The following NCAPD3 variants were observed in gnomAD, a reference collection of about 807,000 sequenced individuals.
NCAPD3 encodes the protein condensin-2 complex subunit D3.
In NCAPD3, 105 loss-of-function variants were observed where a neutral mutation model predicts 182.9. The observed-to-expected ratio is 0.57, with a 90% CI of 0.49 to 0.68. The LOEUF is 0.68. NCAPD3 is among the 30% of genes least tolerant of loss of function. The pLI, the probability that NCAPD3 is intolerant of heterozygous loss-of-function variation, is 0.00. For synonymous variants in NCAPD3, 815 were observed against 679.9 expected (o/e 1.20, Z -3.09); for missense variants, 1,944 against 1,837.0 (o/e 1.06, Z -1.07).
Position 134,220,694 on chromosome 11 carries a change from T to C in NCAPD3, c.97A>G (p.Thr33Ala). ...CTGGGATCCAAAGGCTCAGTCTCTG[T>C]GAAATCCAGTTCCCACACTGTGTCA... The part of the protein sequence containing the change: ...WVDTVWELDF[T>A]ETEPLDPSIE... The change falls in exon 2 of 35, where the codon ACA (threonine) becomes GCA (alanine). Residue 33 changes from threonine (T) to alanine (A), a missense_variant. This residue lies in a region of NCAPD3 where 131 missense variants were observed against 133.9 expected (regional missense o/e 0.98). Coordinates refer to ENST00000534548, the MANE Select transcript of NCAPD3 (RefSeq NM_015261.3). The C allele has an allele frequency of 6.2e-7, 1 of 1,614,104 alleles. No individual in the cohort carries two copies. The highest frequency in any genetic ancestry group is 8.5e-7 in the Non-Finnish European group (1 of 1,179,962).
At chr11:134,166,756 C>T (rs574358187) in intron 27 of NCAPD3, among the ~76,000 whole-genome samples, 5 of 126,540 alleles carry the variant, frequency 4.0e-5, no homozygotes, top group Non-Finnish European at 6.6e-5. Flanking sequence ...GGGAGGCGCA[C>T]ACTCGTGAGA....
chr11:134,180,033 G>A (rs1356429490), intron 20 of NCAPD3, among the ~76,000 whole-genome samples: 1 of 151,968 alleles, frequency 6.6e-6, no homozygotes, highest in East Asian at 1.9e-4. Flanking sequence ...AAAAAACCTG[G>A]GGGAGGAGGG....
In NCAPD3 at chr11:134,177,882, C is replaced by CCTTTCTTTCTTTCTTTCTTTCTTT. The variant is rs35739849; in HGVS notation, c.2783-449_2783-426dup. 894 of 153,360 alleles carry CCTTTCTTTCTTTCTTTCTTTCTTT rather than the reference C, an allele frequency of 5.8e-3. 2 individuals are homozygous for CCTTTCTTTCTTTCTTTCTTTCTTT. Among genetic ancestry groups the CCTTTCTTTCTTTCTTTCTTTCTTT allele is most frequent in the Non-Finnish European group, 7.1e-3 (492 of 69,680 alleles). The allele number at this position is 153,360 out of a possible 1,614,324, so 9.5% of individuals were successfully genotyped here. On this transcript the variant is annotated intron_variant, in intron 22 of 34. Coordinates refer to ENST00000534548, the MANE Select transcript of NCAPD3 (RefSeq NM_015261.3). The stretch of plus-strand genomic sequence containing the variant: ...GGTAAATAGGAAAGAATGCATGTCC[C>CCTTTCTTTCTTTCTTTCTTTCTTT]CTTTCTTTCTTTCTTTCTTTCTTTC...
chr11:134,160,697 C>A (rs1363596414), intron 28 of NCAPD3, among the ~76,000 whole-genome samples: 1 of 152,156 alleles, frequency 6.6e-6, no homozygotes, highest in East Asian at 1.9e-4. Context: ...AAGAATCATT[C>A]CACCTAACAG....
chr11:134,160,135 C>A lies in NCAPD3; in HGVS notation c.3685-61G>T. On this transcript the variant is annotated intron_variant, in intron 28 of 34. Coordinates refer to ENST00000534548, the MANE Select transcript of NCAPD3 (RefSeq NM_015261.3). ...TTGAATAAAAACGTAAAGCCCTAAA[C>A]CCCCACGACACACCTTCGCCTGTGT... is the stretch of plus-strand genomic sequence containing the variant. 5 of 1,552,750 alleles carry A rather than the reference C, an allele frequency of 3.2e-6. No individual in the cohort carries two copies. In the Admixed American group the frequency reaches 5.2e-5, roughly 16 times the overall value.
chr11:134,164,782 C>A (rs1401497441), intron 27 of NCAPD3, among the ~76,000 whole-genome samples: 4 of 150,984 alleles, frequency 2.6e-5, no homozygotes, highest in Middle Eastern at 3.5e-3. Context: ...GAGCTGCACA[C>A]TCGTGAAATG....
At position 134,159,889 on chromosome 11, in the gene NCAPD3, T is replaced by C. The variant is rs753047523; in HGVS notation, c.3867+3A>G. ...GTCACAGTGCAGTGGGCCCCACACC[T>C]ACCTGTGCCACAGGTGCCACCTCAG... On this transcript the variant is annotated splice_donor_region_variant and intron_variant, in intron 29 of 34. Transcript: ENST00000534548. 3 of 1,611,478 alleles carry C rather than the reference T, an allele frequency of 1.9e-6. No individual in the cohort carries two copies. The highest frequency in any genetic ancestry group is 2.5e-6 in the Non-Finnish European group (3 of 1,179,500).
chr11:134,178,753 G>T lies in NCAPD3; in HGVS notation c.2675-12C>A. The stretch of plus-strand genomic sequence containing the variant: ...TTGAGATGATGGTGCTGCAAAGAAG[G>T]GAGAGAAAGTTACCGACAGAACCTT... On this transcript the variant is annotated splice_polypyrimidine_tract_variant and intron_variant, in intron 21 of 34. Coordinates refer to ENST00000534548, the MANE Select transcript of NCAPD3 (RefSeq NM_015261.3). 1 of 1,608,988 alleles carries T rather than the reference G, an allele frequency of 6.2e-7. No individual in the cohort carries two copies. The highest frequency in any genetic ancestry group is 8.5e-7 in the Non-Finnish European group (1 of 1,175,946).
intron 19 of NCAPD3, among the ~76,000 whole-genome samples, chr11:134,182,389 G>A (rs1230631322): frequency 2.0e-5 from 3 of 152,148 alleles, no homozygotes; most frequent in Non-Finnish European, 4.4e-5. Context: ...AGGTTGTCTG[G>A]GAATACCAAA....
chr11:134,168,083 T>C lies in NCAPD3; in HGVS notation c.3486A>G (p.Lys1162=), dbSNP rs1591830356. The change falls in exon 27 of 35, where the codon AAA becomes AAG. Residue 1162 remains lysine, a synonymous_variant. Coordinates refer to ENST00000534548, the MANE Select transcript of NCAPD3 (RefSeq NM_015261.3). The part of the protein sequence containing the change: ...KEIKLLAMRS[K]PDKDLLMEED... ...CTTCCATAAGGAGGTCTTTGTCTGGTTTAGATCTCATTGCCAAAAGCTTGA... is the reference window on the plus strand; with the variant it reads ...CTTCCATAAGGAGGTCTTTGTCTGGCTTAGATCTCATTGCCAAAAGCTTGA... 1 of 1,614,140 alleles carries C rather than the reference T, an allele frequency of 6.2e-7. No homozygotes were observed.
intron 19 of NCAPD3, chr11:134,182,898 A>T (rs1035035005): frequency 3.4e-6 from 1 of 292,944 alleles, no homozygotes; most frequent in Non-Finnish European, 6.8e-6. Context: ...AGACAATCTC[A>T]GGGCCTTGCT....
intron 16 of NCAPD3, among the ~76,000 whole-genome samples, chr11:134,188,152 T>C (rs1383384272): frequency 4.6e-5 from 7 of 152,098 alleles, no homozygotes; most frequent in Non-Finnish European, 2.9e-5. Context: ...GGATTGTAAA[T>C]GCACCAATCA....
At chr11:134,207,847 C>A (rs537217628) in intron 7 of NCAPD3, among the ~76,000 whole-genome samples, 1 of 151,278 alleles carries the variant, frequency 6.6e-6, no homozygotes, top group South Asian at 2.1e-4. Flanking sequence ...AAAGGGCATG[C>A]GAATTAAAAA....
chr11:134,184,673 A>C lies in NCAPD3; in HGVS notation c.2415T>G (p.Leu805=), dbSNP rs771294568. ...ISSAVDALQR[L]CRASAETPAE... Reference sequence around the variant, plus strand: ...CTGGTGTCTCTGCAGATGCTCTACAAAGCCTCTGCAAGGCGTCAACAGCTG... The same window carrying C: ...CTGGTGTCTCTGCAGATGCTCTACACAGCCTCTGCAAGGCGTCAACAGCTG... Residue 805 remains leucine, a synonymous_variant, in exon 19 of 35, where the codon CTT becomes CTG. Coordinates refer to ENST00000534548, the MANE Select transcript of NCAPD3 (RefSeq NM_015261.3). 36 of 1,613,748 alleles carry C rather than the reference A, an allele frequency of 2.2e-5. No homozygotes were observed. Among genetic ancestry groups the C allele is most frequent in the Non-Finnish European group, 3.0e-5 (35 of 1,179,896 alleles).
At chr11:134,206,855 G>A in intron 7 of NCAPD3, 123 bp from the exon 8 acceptor site, 5 of 956,838 alleles carry the variant, frequency 5.2e-6, no homozygotes, top group Non-Finnish European at 7.6e-6. Flanking sequence ...TGGCATAATT[G>A]CTGGCTGAAC....
intron 14 of NCAPD3, 88 bp downstream of exon 14, chr11:134,194,577 G>A: frequency 1.1e-6 from 1 of 882,810 alleles, no homozygotes; most frequent in African/African-American, 1.7e-5. Context: ...ATTAAGTAAT[G>A]AATATGGCCT....
At chr11:134,162,895 T>C (rs1034007099) in intron 27 of NCAPD3, among the ~76,000 whole-genome samples, 1 of 151,956 alleles carries the variant, frequency 6.6e-6, no homozygotes, top group Admixed American at 6.6e-5. Flanking sequence ...GTTAGGGAAT[T>C]TAGGTATGGA....
chr11:134,177,679 G>T, intron 22 of NCAPD3: 1 of 557,738 alleles, frequency 1.8e-6, no homozygotes, highest in Non-Finnish European at 3.2e-6. Flanking sequence ...TATATACTAT[G>T]GGATGTTCCT....
At chr11:134,174,938 T>A (rs528359150) in intron 24 of NCAPD3, among the ~76,000 whole-genome samples, 2 of 152,356 alleles carry the variant, frequency 1.3e-5, no homozygotes, top group South Asian at 4.1e-4. Flanking sequence ...AATGTAGTCA[T>A]CAGCTTTTCA....
Sources: allele counts gnomAD v4.1 joint callset (sites outside exome capture counted in the v4.1 genomes callset), GRCh38; gene constraint gnomAD v4.1.1; regional missense constraint gnomAD v4.1.1; transcripts MANE v1.5; gene names NCBI Gene and HGNC (gene_info 2026-07-23, HGNC 2026-07-21).